HPSE2: variants seen among roughly 807,000 people sequenced by gnomAD.
HPSE2 encodes the protein heparanase 2 (inactive).
HPSE2 carries 38 observed loss-of-function variants against 60.5 expected under a neutral mutation model. The ratio of observed to expected loss-of-function variants is 0.63; its 90% CI spans 0.48 to 0.82. HPSE2 has a LOEUF of 0.82. HPSE2 is among the 40% of genes least tolerant of loss of function. HPSE2 has a pLI of 0.00. For missense variants in HPSE2, 713 were observed against 740.4 expected (o/e 0.96, Z 0.43); for synonymous variants, 295 against 293.2 (o/e 1.01, Z -0.06).
chr10:98,776,918 T>C (rs981323882), intron 3 of HPSE2, among the ~76,000 whole-genome samples: 42 of 152,330 alleles, frequency 2.8e-4, no homozygotes, highest in African/African-American at 9.1e-4. Flanking sequence ...AATGTCATGA[T>C]GTTTGCAACT....
chr10:99,228,081 G>A (rs1849532283), intron 2 of HPSE2, among the ~76,000 whole-genome samples: 1 of 151,976 alleles, frequency 6.6e-6, no homozygotes, highest in South Asian at 2.1e-4. Context: ...AACTAGGTGA[G>A]ATGGAATAAG....
intron 3 of HPSE2, among the ~76,000 whole-genome samples, chr10:98,982,268 G>A (rs914113135): frequency 1.3e-5 from 2 of 152,052 alleles, no homozygotes; most frequent in Admixed American, 1.3e-4. Flanking sequence ...GAGGAATCTG[G>A]AGCAGTGAGA....
chr10:99,141,255 G>A (rs1845856775), intron 3 of HPSE2, among the ~76,000 whole-genome samples: 1 of 152,034 alleles, frequency 6.6e-6, no homozygotes, highest in African/African-American at 2.4e-5. Flanking sequence ...AGAAACTGCA[G>A]GACAAACATA....
intron 3 of HPSE2, among the ~76,000 whole-genome samples, chr10:98,895,992 G>A (rs1289510929): frequency 1.3e-5 from 2 of 149,580 alleles, no homozygotes; most frequent in Admixed American, 6.7e-5. Flanking sequence ...GCTAAATGAC[G>A]AGTTAATGGG....
chr10:98,995,212 G>A (rs774347195), intron 3 of HPSE2, among the ~76,000 whole-genome samples: 11 of 152,094 alleles, frequency 7.2e-5, no homozygotes, highest in Non-Finnish European at 1.3e-4. Context: ...CCTCTACATG[G>A]AGAAGGTACA....
intron 9 of HPSE2, among the ~76,000 whole-genome samples, chr10:98,512,812 A>ACACACACACACACAC (rs375085018): frequency 3.2e-5 from 4 of 124,622 alleles, no homozygotes; most frequent in East Asian, 2.5e-4. Flanking sequence ...CCCACCCCCC[A>ACACACACACACACAC]ACACACACAC....
intron 6 of HPSE2, among the ~76,000 whole-genome samples, chr10:98,650,086 C>T (rs1042549764): frequency 3.9e-5 from 6 of 152,198 alleles, no homozygotes; most frequent in Admixed American, 1.3e-4. Context: ...AATGCCAAAA[C>T]GATGTGAGCA....
At chr10:98,543,002 G>A (rs991823370) in intron 9 of HPSE2, among the ~76,000 whole-genome samples, 12 of 150,870 alleles carry the variant, frequency 8.0e-5, no homozygotes, top group Non-Finnish European at 1.8e-4. Context: ...TCCTCGAGAA[G>A]AGCAACTCCA....
At chr10:98,542,357 A>G (rs1322487766) in intron 9 of HPSE2, among the ~76,000 whole-genome samples, 2 of 152,182 alleles carry the variant, frequency 1.3e-5, no homozygotes, top group Non-Finnish European at 2.9e-5. Context: ...CCAAAAGTAG[A>G]TAAAACCACA....
At chr10:99,266,028 C>A in the HPSE2 span, among the ~76,000 whole-genome samples, 5 of 152,192 alleles carry the variant, frequency 3.3e-5, no homozygotes, top group Non-Finnish European at 5.9e-5. Context: ...CACAGAGGTT[C>A]TTGGGGAGGG....
chr10:99,170,158 C>T (rs555658174), intron 2 of HPSE2, among the ~76,000 whole-genome samples: 1 of 152,200 alleles, frequency 6.6e-6, no homozygotes, highest in East Asian at 1.9e-4. Context: ...AGTGATTTGC[C>T]TGAGGTTTCA....
chr10:99,217,994 C>T (rs960809001), intron 2 of HPSE2, among the ~76,000 whole-genome samples: 2 of 152,040 alleles, frequency 1.3e-5, no homozygotes, highest in Non-Finnish European at 2.9e-5. Flanking sequence ...ATAGTAGCTG[C>T]CTCGTTGGGG....
chr10:98,581,123 T>C (rs1368941967), intron 9 of HPSE2, among the ~76,000 whole-genome samples: 1 of 151,878 alleles, frequency 6.6e-6, no homozygotes, highest in Admixed American at 6.6e-5. Flanking sequence ...GTGTTTTTAA[T>C]AGAGATAGGG....
At chr10:99,019,774 A>G (rs563600123) in intron 3 of HPSE2, among the ~76,000 whole-genome samples, 1 of 151,612 alleles carries the variant, frequency 6.6e-6, no homozygotes, top group African/African-American at 2.4e-5. Flanking sequence ...CAGTGGTGCA[A>G]TCTTGGCTCA....
the HPSE2 span, among the ~76,000 whole-genome samples, chr10:99,304,228 G>C: frequency 6.6e-6 from 1 of 152,230 alleles, no homozygotes; most frequent in Non-Finnish European, 1.5e-5. Flanking sequence ...CTACCAGCCT[G>C]CCATGGCAAC....
At chr10:99,294,601 T>G in the HPSE2 span, among the ~76,000 whole-genome samples, 12 of 151,574 alleles carry the variant, frequency 7.9e-5, no homozygotes, top group East Asian at 2.3e-3. Context: ...AAGTTGTAAA[T>G]TAGCAATCTA....
rs575584877 is a variant in HPSE2, at chr10:98,861,236, T to C, written c.611-117180A>G. 8.5e-5 allele frequency among the ~76,000 whole-genome samples: 13 copies of C among 152,242 alleles called. No homozygotes were observed. The South Asian group carries it at 2.7e-3, about 32-fold the overall frequency. ...TAGCCAAACAGGATAATTGAAGAAA[T>C]TATCTTGTTTATACAAGATCAAGCC... On this transcript the variant is annotated intron_variant, in intron 3 of 11. Coordinates refer to ENST00000370552, the MANE Select transcript of HPSE2 (RefSeq NM_021828.5).
chr10:98,611,319 A>G (rs1945752363), intron 9 of HPSE2, among the ~76,000 whole-genome samples: 1 of 152,192 alleles, frequency 6.6e-6, no homozygotes, highest in Non-Finnish European at 1.5e-5. Flanking sequence ...GGGGCTGTTG[A>G]AATGGTCCTG....
chr10:98,481,350 G>T (rs1404800125), intron 11 of HPSE2, among the ~76,000 whole-genome samples: 1 of 152,106 alleles, frequency 6.6e-6, no homozygotes, highest in Non-Finnish European at 1.5e-5. Flanking sequence ...AAAGGATTAG[G>T]ATAAAATAAT....
Sources: gnomAD v4.1 joint callset for allele counts (sites outside exome capture counted in the v4.1 genomes callset) on GRCh38, gnomAD v4.1.1 for gene constraint, MANE v1.5 for transcripts, NCBI Gene and HGNC (gene_info 2026-07-23, HGNC 2026-07-21) for gene names.